The following MYO1H variants were observed in gnomAD, a reference collection of about 807,000 sequenced individuals.
MYO1H encodes myosin IH.
Under a neutral mutation model 149.3 loss-of-function variants are expected in MYO1H, and 118 were observed. The ratio of observed to expected loss-of-function variants is 0.79; its 90% CI spans 0.68 to 0.92. MYO1H has a LOEUF of 0.92. Among genes scored for constraint, MYO1H ranks in the 40% least tolerant of loss-of-function variants. MYO1H has a pLI of 0.00. For synonymous variants in MYO1H, 447 were observed against 465.2 expected (o/e 0.96, Z 0.50); for missense variants, 1,212 against 1,280.7 (o/e 0.95, Z 0.82).
the MYO1H span, among the ~76,000 whole-genome samples, chr12:109,316,830 C>G: frequency 6.6e-6 from 1 of 152,206 alleles, no homozygotes. Flanking sequence ...CATCATCTTG[C>G]ATATGTGAAA....
intron 10 of MYO1H, among the ~76,000 whole-genome samples, chr12:109,408,717 T>C (rs1467497256): frequency 6.6e-6 from 1 of 152,230 alleles, no homozygotes. Context: ...AAGATGATTT[T>C]GGAGGCAGTG....
intron 1 of MYO1H, among the ~76,000 whole-genome samples, chr12:109,359,752 G>A (rs779911550): frequency 1.6e-4 from 25 of 152,196 alleles, no homozygotes; most frequent in Non-Finnish European, 3.2e-4. Context: ...TGATTGTTGC[G>A]AAAAGGCCTT....
chr12:109,415,386 A>G (rs936483474), intron 14 of MYO1H, 140 bp from the exon 15 acceptor site: 5 of 624,440 alleles, frequency 8.0e-6, no homozygotes, highest in African/African-American at 7.4e-5. Context: ...GAGGCAGGAG[A>G]ATCGCTTAAA....
intron 4 of MYO1H, 124 bp from the exon 5 acceptor site, chr12:109,397,608 C>A: frequency 1.7e-6 from 1 of 603,420 alleles, no homozygotes; most frequent in Non-Finnish European, 2.7e-6. Flanking sequence ...ATAAAGCATG[C>A]CTTTCCTCCC....
intron 1 of MYO1H, among the ~76,000 whole-genome samples, chr12:109,384,378 A>C (rs1869262649): frequency 6.6e-6 from 1 of 152,206 alleles, no homozygotes; most frequent in Non-Finnish European, 1.5e-5. Flanking sequence ...CTTAGGTGTA[A>C]TTGAAGATCT....
intron 16 of MYO1H, among the ~76,000 whole-genome samples, chr12:109,422,853 C>T (rs1418552486): frequency 3.3e-5 from 5 of 152,062 alleles, no homozygotes; most frequent in Admixed American, 6.6e-5. Flanking sequence ...GTGGGTGGAT[C>T]GCTTGAGCCC....
chr12:109,432,071 G>A (rs967205139), intron 19 of MYO1H, among the ~76,000 whole-genome samples: 9 of 136,392 alleles, frequency 6.6e-5, no homozygotes, highest in African/African-American at 2.0e-4. Context: ...GCGCAATCTC[G>A]GCTCACTGCA....
chr12:109,410,648 A>G (rs1870623364), intron 12 of MYO1H, 40 bp from the exon 13 acceptor site: 1 of 1,427,966 alleles, frequency 7.0e-7, no homozygotes, highest in Non-Finnish European at 9.7e-7. Context: ...ATGCTCATCT[A>G]AATATTTCTT....
At chr12:109,395,288 A>G (rs1869841854) in intron 3 of MYO1H, among the ~76,000 whole-genome samples, 1 of 151,984 alleles carries the variant, frequency 6.6e-6, no homozygotes, top group Non-Finnish European at 1.5e-5. Context: ...ATGAGATCTT[A>G]CTCTATTTAT....
intron 5 of MYO1H, among the ~76,000 whole-genome samples, chr12:109,398,050 T>C (rs1428062983): frequency 6.6e-6 from 1 of 152,254 alleles, no homozygotes; most frequent in Non-Finnish European, 1.5e-5. Context: ...TTGATGAAGA[T>C]ATGGATCATA....
At chr12:109,386,729 A>G (rs1166876520) in intron 1 of MYO1H, among the ~76,000 whole-genome samples, 2 of 152,086 alleles carry the variant, frequency 1.3e-5, no homozygotes, top group Non-Finnish European at 2.9e-5. Context: ...TTTATTCTGG[A>G]TACAAATTCT....
chr12:109,385,140 G>T (rs1388206166), intron 1 of MYO1H, among the ~76,000 whole-genome samples: 12 of 152,102 alleles, frequency 7.9e-5, no homozygotes, highest in African/African-American at 2.4e-4. Flanking sequence ...AGAGACTTGG[G>T]ACTCTCCCAA....
chr12:109,388,691 C>T (rs374724684), exon 2 of MYO1H: 19 of 1,570,036 alleles, frequency 1.2e-5, no homozygotes, highest in South Asian at 8.2e-5. Flanking sequence ...AGAAAGAAGA[C>T]GTGAGGAGGA....
chr12:109,344,210 T>C (rs903975811), upstream of MYO1H, among the ~76,000 whole-genome samples: 1 of 152,202 alleles, frequency 6.6e-6, no homozygotes, highest in African/African-American at 2.4e-5. Flanking sequence ...CCACATGATA[T>C]AACAGTTGAT....
Position 109,443,285 on chromosome 12 carries a change from C to T in MYO1H, c.2689-229C>T, listed in dbSNP as rs148128344. 1.5e-3 allele frequency among the ~76,000 whole-genome samples: 130 copies of T among 88,362 alleles called. 8 individuals are homozygous for T. The highest frequency in any genetic ancestry group is 3.5e-3 in the African/African-American group (85 of 23,964). 58.0% of individuals were successfully genotyped at this position (88,362 alleles called of 152,430 possible). The stretch of plus-strand genomic sequence containing the variant: ...ACGTATATGTGTGTGTATATGTGTA[C>T]GTATATATGTGTGTATATATGTGTA... On this transcript the variant is annotated intron_variant, in intron 27 of 31. Transcript: ENST00000310903.
chr12:109,446,366 G>A (rs1872478651), intron 31 of MYO1H: 1 of 985,380 alleles, frequency 1.0e-6, no homozygotes, highest in South Asian at 4.7e-5. Context: ...TCTTTAAAAT[G>A]TATCTTGTAT....
At chr12:109,327,488 G>C in the MYO1H span, among the ~76,000 whole-genome samples, 115 of 151,740 alleles carry the variant, frequency 7.6e-4, no homozygotes, top group African/African-American at 2.8e-3. Context: ...GACGGCTCAC[G>C]CCTGTAATAA....
rs372438213 is a variant in MYO1H, at chr12:109,397,714, G to A, written c.490-18G>A. The A allele has an allele frequency of 1.7e-5, 27 of 1,601,938 alleles. No homozygotes were observed. Among genetic ancestry groups the A allele is most frequent in the Non-Finnish European group, 2.2e-5 (26 of 1,174,084 alleles). On this transcript the variant is annotated intron_variant, in intron 4 of 31. Coordinates refer to ENST00000310903, the Ensembl canonical transcript of MYO1H. The stretch of plus-strand genomic sequence containing the variant: ...ATGGTGAGCTTAAATGACAGTGAAT[G>A]ACACTTTGTATTCCAAGGCTTTTGG...
rs894431492 is a variant in MYO1H, at chr12:109,438,454, A to G, written c.2210-82A>G. The G allele has an allele frequency of 5.0e-5, 55 of 1,106,520 alleles. 1 individual carries two copies. In the African/African-American group the frequency reaches 7.8e-4, roughly 16 times the overall value. 68.5% of individuals were successfully genotyped at this position (1,106,520 alleles called of 1,614,324 possible). On this transcript the variant is annotated intron_variant, in intron 22 of 31. Coordinates refer to ENST00000310903, the Ensembl canonical transcript of MYO1H. Reference sequence around the variant, plus strand: ...CGGTGGGCGTCCAGATGTTTGTTGAATGGACAAAGCCTTCTGGAAAAGCCT... The same window carrying G: ...CGGTGGGCGTCCAGATGTTTGTTGAGTGGACAAAGCCTTCTGGAAAAGCCT...
Sources: allele counts gnomAD v4.1 joint callset (sites outside exome capture counted in the v4.1 genomes callset), GRCh38; gene constraint gnomAD v4.1.1; transcripts MANE v1.5; gene names NCBI Gene and HGNC (gene_info 2026-07-23, HGNC 2026-07-21).